LCLAT1: variants seen among roughly 807,000 people sequenced by gnomAD.
LCLAT1 encodes lysocardiolipin acyltransferase 1, also known as 1-AGP acyltransferase 8.
LCLAT1 carries 11 observed loss-of-function variants against 30.7 expected under a neutral mutation model. The observed-to-expected ratio is 0.36, with a 90% confidence interval of 0.23 to 0.59. The LOEUF is 0.59. Ranked by LOEUF, LCLAT1 falls within the 20% of genes least tolerant of loss-of-function variation. LCLAT1 has a pLI of 0.77. For missense variants in LCLAT1, 402 were observed against 458.6 expected (o/e 0.88, Z 1.13); for synonymous variants, 155 against 151.3 (o/e 1.02, Z -0.18).
At chr2:30,606,418 C>A (rs1667452255) in intron 5 of LCLAT1, 1 of 143,818 alleles carries the variant, frequency 7.0e-6, no homozygotes, top group Admixed American at 7.2e-5. Context: ...GAATAGAGAA[C>A]TCAGAAATAA....
intron 5 of LCLAT1, among the ~76,000 whole-genome samples, chr2:30,602,164 C>T (rs1244416402): frequency 2.0e-5 from 3 of 152,102 alleles, no homozygotes; most frequent in African/African-American, 7.2e-5. Flanking sequence ...GTAGGGCTTT[C>T]ATTGGCAAAT....
intron 1 of LCLAT1, among the ~76,000 whole-genome samples, chr2:30,502,956 T>C (rs1048823100): frequency 6.6e-6 from 1 of 152,196 alleles, no homozygotes; most frequent in Non-Finnish European, 1.5e-5. Flanking sequence ...AGAACAGGGC[T>C]AACTCACAGG....
chr2:30,637,424 T>C (rs1020516274), intron 5 of LCLAT1, among the ~76,000 whole-genome samples: 2 of 152,134 alleles, frequency 1.3e-5, no homozygotes, highest in African/African-American at 2.4e-5. Context: ...GGGTCTTTTT[T>C]AGATACTTGA....
rs758773276 is a variant in LCLAT1, at chr2:30,640,321, G to T, written c.833G>T (p.Arg278Leu). The T allele has an allele frequency of 2.5e-6, 4 of 1,614,168 alleles. No individual in the cohort carries two copies. The highest frequency in any genetic ancestry group is 1.3e-5 in the African/African-American group (1 of 75,040). Residue 278 changes from arginine to leucine, a missense_variant, in exon 6 of 6, where the codon CGT becomes CTT. Physicochemically the swap from Arg to Leu is moderately radical, Grantham distance 102. Coordinates refer to ENST00000379509, the MANE Select transcript of LCLAT1 (RefSeq NM_001002257.3). ...KRWEEKEERL[R>L]SFYQGEKNFY... ...TGGGAAGAGAAAGAAGAGAGGCTGC[G>T]TTCCTTCTATCAAGGGGAGAAGAAT...
chr2:30,482,207 G>C (rs1572505710), intron 1 of LCLAT1, among the ~76,000 whole-genome samples: 1 of 152,134 alleles, frequency 6.6e-6, no homozygotes, highest in Non-Finnish European at 1.5e-5. Context: ...TGGCAGTTAT[G>C]TACATGTTCT....
chr2:30,467,758 A>G (rs899328688), intron 1 of LCLAT1, among the ~76,000 whole-genome samples: 1 of 152,132 alleles, frequency 6.6e-6, no homozygotes, highest in Non-Finnish European at 1.5e-5. Context: ...GTCTGTTCAT[A>G]TCCTTCGCCC....
In LCLAT1 at chr2:30,525,708, C is replaced by T. The variant is rs1224170285; in HGVS notation, c.118C>T (p.Arg40Cys). 6.8e-6 allele frequency: 11 copies of T among 1,613,882 alleles called. No homozygotes were observed. The highest frequency in any genetic ancestry group is 1.1e-5 in the South Asian group (1 of 91,074). Reference protein sequence around the residue: ...PLMFVNPSWYRWINNRLVATW... With the variant: ...PLMFVNPSWYCWINNRLVATW... The stretch of plus-strand genomic sequence containing the variant: ...GATGTTTGTAAACCCATCTTGGTAT[C>T]GCTGGATCAACAACCGCCTTGTGGC... The change falls in exon 2 of 6, where the codon CGC (arginine) becomes TGC (cysteine). Residue 40 changes from arginine (R) to cysteine (C), a missense_variant. Coordinates refer to ENST00000379509, the MANE Select transcript of LCLAT1 (RefSeq NM_001002257.3).
intron 1 of LCLAT1, among the ~76,000 whole-genome samples, chr2:30,517,043 G>A (rs930204259): frequency 1.3e-5 from 2 of 152,168 alleles, no homozygotes; most frequent in African/African-American, 4.8e-5. Flanking sequence ...GCAGCCAGAA[G>A]TCTCTACTCC....
chr2:30,614,642 A>T (rs147453489), intron 5 of LCLAT1, among the ~76,000 whole-genome samples: 4 of 152,344 alleles, frequency 2.6e-5, no homozygotes, highest in Non-Finnish European at 5.9e-5. Context: ...TGAGCTACTT[A>T]TTAGATATCC....
At chr2:30,634,396 T>C (rs887778837) in intron 5 of LCLAT1, among the ~76,000 whole-genome samples, 1 of 151,976 alleles carries the variant, frequency 6.6e-6, no homozygotes, top group African/African-American at 2.4e-5. Flanking sequence ...GAGGCCGAGG[T>C]GGGCCAATCA....
At position 30,641,763 on chromosome 2, in the gene LCLAT1, G is replaced by A. The variant is rs920360375; in HGVS notation, c.*1144G>A. The A allele has an allele frequency of 6.6e-6, 1 of 152,054 alleles. No homozygotes were observed. Among genetic ancestry groups the A allele is most frequent in the African/African-American group, 2.4e-5 (1 of 41,408 alleles). The allele number at this position is 152,054 out of a possible 1,614,324, so 9.4% of individuals were successfully genotyped here. On this transcript the variant is annotated 3_prime_UTR_variant, in exon 6 of 6. Transcript: ENST00000379509. ...AATAGTAATATTTAAACCCACTTTT[G>A]ACCAATTGTTTGCCCAAATATTCTT...
At chr2:30,509,554 A>G (rs1436192991) in intron 1 of LCLAT1, among the ~76,000 whole-genome samples, 1 of 151,826 alleles carries the variant, frequency 6.6e-6, no homozygotes, top group African/African-American at 2.4e-5. Flanking sequence ...ATATTTCAGG[A>G]TTAGGTCAAA....
intron 5 of LCLAT1, among the ~76,000 whole-genome samples, chr2:30,626,560 G>A (rs545123681): frequency 6.6e-6 from 1 of 152,220 alleles, no homozygotes; most frequent in South Asian, 2.1e-4. Context: ...CCCTCAGTCA[G>A]ATCCATAGGG....
chr2:30,533,954 G>A (rs989661230), intron 3 of LCLAT1, among the ~76,000 whole-genome samples: 1 of 152,238 alleles, frequency 6.6e-6, no homozygotes, highest in Admixed American at 6.5e-5. Context: ...ATGTGAAAAA[G>A]GGAGGGGAAA....
At position 30,640,258 on chromosome 2, in the gene LCLAT1, C is replaced by A. The variant is rs1669231678; in HGVS notation, c.770C>A (p.Thr257Lys). The A allele has an allele frequency of 2.5e-6, 4 of 1,614,030 alleles. No homozygotes were observed. The South Asian group carries it at 4.4e-5, about 18-fold the overall frequency. ...VHRYPIDTLP[T>K]SKEDLQLWCH... ...CGGTATCCAATAGACACCCTCCCCA[C>A]ATCCAAGGAGGACCTTCAACTCTGG... The change falls in exon 6 of 6, where the codon ACA (threonine) becomes AAA (lysine). Residue 257 changes from threonine (T) to lysine (K), a missense_variant. Thr to Lys is a moderately conservative substitution (Grantham distance 78). Transcript: ENST00000379509.
chr2:30,528,242 G>A (rs1685818495), intron 2 of LCLAT1, among the ~76,000 whole-genome samples: 1 of 152,210 alleles, frequency 6.6e-6, no homozygotes, highest in African/African-American at 2.4e-5. Context: ...GGGCAGCCAT[G>A]TGCACAGTTA....
intron 1 of LCLAT1, among the ~76,000 whole-genome samples, chr2:30,503,127 A>T (rs1486278587): frequency 6.6e-6 from 1 of 152,244 alleles, no homozygotes; most frequent in Non-Finnish European, 1.5e-5. Flanking sequence ...GGTTGGTAAC[A>T]TCCAGGTCAT....
chr2:30,621,472 G>A (rs1668246461), intron 5 of LCLAT1, among the ~76,000 whole-genome samples: 1 of 152,114 alleles, frequency 6.6e-6, no homozygotes, highest in Non-Finnish European at 1.5e-5. Flanking sequence ...CGACTTGGAT[G>A]GACAGAGCAG....
chr2:30,540,090 T>C (rs1188984190), intron 3 of LCLAT1, among the ~76,000 whole-genome samples: 1 of 152,224 alleles, frequency 6.6e-6, no homozygotes, highest in Non-Finnish European at 1.5e-5. Context: ...AAATACATTT[T>C]TGTCTCATCC....
Sources: allele counts gnomAD v4.1 joint callset (sites outside exome capture counted in the v4.1 genomes callset), GRCh38; gene constraint gnomAD v4.1.1; transcripts MANE v1.5; gene names NCBI Gene and HGNC (gene_info 2026-07-23, HGNC 2026-07-21).